The following TMEM131 variants were observed in gnomAD, a reference collection of about 807,000 sequenced individuals.
TMEM131 encodes the protein transmembrane protein 131.
In TMEM131, 66 loss-of-function variants were observed where a neutral mutation model predicts 211.6. The ratio of observed to expected loss-of-function variants is 0.31; its 90% CI spans 0.26 to 0.38. TMEM131 has a LOEUF of 0.38. Among genes scored for constraint, TMEM131 ranks in the 10% least tolerant of loss-of-function variants. TMEM131 has a pLI of 1.00. For synonymous variants in TMEM131, 844 were observed against 841.3 expected, an observed-to-expected ratio of 1.00 and a Z score of -0.06; for missense variants, 2,036 against 2,299.3, an observed-to-expected ratio of 0.89 and a Z score of 2.34.
Position 97,841,584 on chromosome 2 carries a change from T to TA in TMEM131, c.723+230dup, listed in dbSNP as rs773258777. 5.3e-5 allele frequency among the ~76,000 whole-genome samples: 8 copies of TA among 152,252 alleles called. 1 individual carries two copies. Among genetic ancestry groups the TA allele is most frequent in the Admixed American group, 2.6e-4 (4 of 15,298 alleles). ...AACACCAGAGAAGACACAGTCGTTT[T>TA]AAAAATGATTCAAAAAATTCAAAAT... On this transcript the variant is annotated intron_variant, in intron 7 of 40. Coordinates refer to ENST00000186436, the MANE Select transcript of TMEM131 (RefSeq NM_015348.2).
At chr2:97,782,956 C>A (rs1680082160) in intron 31 of TMEM131, among the ~76,000 whole-genome samples, 4 of 148,416 alleles carry the variant, frequency 2.7e-5, no homozygotes, top group Non-Finnish European at 3.0e-5. Context: ...GAGACTAAAC[C>A]TATATAGACT....
chr2:97,819,770 T>C (rs955746854), intron 11 of TMEM131, among the ~76,000 whole-genome samples: 1 of 152,256 alleles, frequency 6.6e-6, no homozygotes. Flanking sequence ...TGTCCTTTTC[T>C]GTGAGACTTA....
chr2:97,805,239 T>TA, intron 21 of TMEM131, 34 bp from the exon 22 acceptor site: 1 of 1,589,174 alleles, frequency 6.3e-7, no homozygotes, highest in Non-Finnish European at 8.6e-7. Flanking sequence ...CCTGCATCTA[T>TA]ACTCACTTGT....
rs1681094121 is a variant in TMEM131, at chr2:97,802,748, A to T, written c.2445T>A (p.Asn815Lys). Reference sequence around the variant, plus strand: ...GCTCAGCAGTGATTTTTGATATTATATTTTTTTGAAGGTCTGTATTTACTT... The same window carrying T: ...GCTCAGCAGTGATTTTTGATATTATTTTTTTTTGAAGGTCTGTATTTACTT... ...IFEVNTDLQK[N>K]IISKITAELS... The change falls in exon 23 of 41, where the codon AAT (asparagine) becomes AAA (lysine). Residue 815 changes from asparagine (N) to lysine (K), a missense_variant. Physicochemically the swap from Asn to Lys is moderately conservative, Grantham distance 94 (BLOSUM62 0). Coordinates refer to ENST00000186436, the MANE Select transcript of TMEM131 (RefSeq NM_015348.2). The T allele has an allele frequency of 6.4e-7, 1 of 1,574,658 alleles. No individual in the cohort carries two copies. Among genetic ancestry groups the T allele is most frequent in the African/African-American group, 1.4e-5 (1 of 72,530 alleles).
At chr2:97,920,289 T>TA (rs2104415265) in intron 2 of TMEM131, among the ~76,000 whole-genome samples, 1 of 152,246 alleles carries the variant, frequency 6.6e-6, no homozygotes, top group East Asian at 1.9e-4. Flanking sequence ...TGATAAAGGC[T>TA]ATCTTGGGTG....
chr2:97,918,460 C>G (rs1676603580), intron 2 of TMEM131, among the ~76,000 whole-genome samples: 1 of 152,188 alleles, frequency 6.6e-6, no homozygotes, highest in East Asian at 1.9e-4. Flanking sequence ...GAATTTAAAC[C>G]TAATCAAGAC....
chr2:97,861,232 T>A (rs1404028034), intron 4 of TMEM131, among the ~76,000 whole-genome samples: 1 of 151,964 alleles, frequency 6.6e-6, no homozygotes, highest in African/African-American at 2.4e-5. Flanking sequence ...AGAGTCCTAG[T>A]GCCGTGCTGG....
intron 29 of TMEM131, among the ~76,000 whole-genome samples, chr2:97,793,993 C>CAAAAAAA (rs1169823016): frequency 6.1e-4 from 33 of 54,434 alleles, no homozygotes; most frequent in Admixed American, 9.4e-4. Context: ...GACTCTGTCT[C>CAAAAAAA]AAAAAAAAAA....
At position 97,888,085 on chromosome 2, in the gene TMEM131, C is replaced by T. The variant is rs1206667129; in HGVS notation, c.326G>A (p.Arg109Gln). 15 of 1,613,462 alleles carry T rather than the reference C, an allele frequency of 9.3e-6. No individual in the cohort carries two copies. Among genetic ancestry groups the T allele is most frequent in the Admixed American group, 3.3e-5 (2 of 59,986 alleles). Residue 109 changes from arginine (R) to glutamine (Q), a missense_variant, in exon 4 of 41, where the codon CGA (arginine) becomes CAA (glutamine). By Grantham distance (43) the Arg-to-Gln change is conservative (BLOSUM62 1). Coordinates refer to ENST00000186436, the MANE Select transcript of TMEM131 (RefSeq NM_015348.2). ...GAAATCCAGCATTGGTGGCTCAAAT[C>T]GTATGGGCCTGCAATTCCCCCGGTA... Reference protein sequence around the residue: ...SLYRGNCRPIRFEPPMLDFHE... With the variant: ...SLYRGNCRPIQFEPPMLDFHE...
At chr2:97,899,035 A>C (rs1675737298) in intron 3 of TMEM131, among the ~76,000 whole-genome samples, 1 of 152,090 alleles carries the variant, frequency 6.6e-6, no homozygotes, top group South Asian at 2.1e-4. Flanking sequence ...ATGAATGTTG[A>C]AATCTTCCCT....
chr2:97,859,498 T>C, intron 4 of TMEM131, 71 bp from the exon 5 acceptor site: 3 of 1,325,514 alleles, frequency 2.3e-6, no homozygotes, highest in Non-Finnish European at 3.0e-6. Context: ...TGTTAAAAAA[T>C]TAATCAAAAT....
At chr2:97,807,552 T>G (rs1681367160) in intron 19 of TMEM131, among the ~76,000 whole-genome samples, 1 of 152,230 alleles carries the variant, frequency 6.6e-6, no homozygotes, top group Non-Finnish European at 1.5e-5. Context: ...GGGGCCATGC[T>G]TCCTGCACAG....
chr2:97,950,468 C>T lies in TMEM131; in HGVS notation c.188-22981G>A, dbSNP rs527894938. On this transcript the variant is annotated intron_variant, in intron 1 of 40. Coordinates refer to ENST00000186436, the MANE Select transcript of TMEM131 (RefSeq NM_015348.2). The stretch of plus-strand genomic sequence containing the variant: ...CCTTGTGGCTTCTGTAGCCCTAGTC[C>T]TCTCTCCAGTATGCCATGATCCTAA... Among the ~76,000 whole-genome samples, 4 of 152,068 alleles carry T rather than the reference C, an allele frequency of 2.6e-5. No individual in the cohort carries two copies. In the East Asian group the frequency reaches 7.7e-4, roughly 29 times the overall value.
At chr2:97,920,227 C>T (rs577396871) in intron 2 of TMEM131, among the ~76,000 whole-genome samples, 2 of 152,288 alleles carry the variant, frequency 1.3e-5, no homozygotes, top group South Asian at 4.1e-4. Context: ...CCCTCAATCT[C>T]TTGCACTCCT....
rs745858830 is a variant in TMEM131, at chr2:97,772,281, C to T, written c.4448+16G>A. 2.5e-6 allele frequency: 4 copies of T among 1,594,666 alleles called. No homozygotes were observed. In the South Asian group the frequency reaches 3.5e-5, roughly 14 times the overall value. On this transcript the variant is annotated intron_variant, in intron 33 of 40. Coordinates refer to ENST00000186436, the MANE Select transcript of TMEM131 (RefSeq NM_015348.2). ...TCTTTATAGACCTTATTTCTCTGTA[C>T]ACTTATTTCTCTCACCTGGGTTTCA...
intron 1 of TMEM131, among the ~76,000 whole-genome samples, chr2:97,938,125 G>C (rs1376289881): frequency 6.6e-6 from 1 of 152,102 alleles, no homozygotes; most frequent in African/African-American, 2.4e-5. Flanking sequence ...ATCAACTAAC[G>C]AGCAAAATAA....
At chr2:97,802,371 T>C (rs936752680) in intron 24 of TMEM131, 57 bp downstream of exon 24, 2 of 1,297,488 alleles carry the variant, frequency 1.5e-6, no homozygotes, top group Non-Finnish European at 2.2e-6. Flanking sequence ...TTTAAGTGAA[T>C]AAAATACTAA....
chr2:97,759,222 G>C, intron 39 of TMEM131, 169 bp from the exon 40 acceptor site: 1 of 753,004 alleles, frequency 1.3e-6, no homozygotes, highest in Non-Finnish European at 2.2e-6. Context: ...GTGTCCTCCA[G>C]AACTCAAACG....
At position 97,759,765 on chromosome 2, in the gene TMEM131, G is replaced by T. The variant is rs1678721264; in HGVS notation, c.5109-16C>A. ...CAAACCCGAGCTAAATGTTACAAGA[G>T]GAAAACGCAACACACAAAAATGTAT... On this transcript the variant is annotated splice_polypyrimidine_tract_variant and intron_variant, in intron 38 of 40. Coordinates refer to ENST00000186436, the MANE Select transcript of TMEM131 (RefSeq NM_015348.2). 7 of 1,598,988 alleles carry T rather than the reference G, an allele frequency of 4.4e-6. No individual in the cohort carries two copies. Among genetic ancestry groups the T allele is most frequent in the Non-Finnish European group, 6.0e-6 (7 of 1,170,464 alleles).
Sources: allele counts gnomAD v4.1 joint callset (sites outside exome capture counted in the v4.1 genomes callset), GRCh38; gene constraint gnomAD v4.1.1; transcripts MANE v1.5; gene names NCBI Gene and HGNC (gene_info 2026-07-23, HGNC 2026-07-21).